COMMD10: variants seen among roughly 807,000 people sequenced by gnomAD.
COMMD10 encodes COMM domain containing 10.
In COMMD10, 33 loss-of-function variants were observed where a neutral mutation model predicts 28.9. That is an observed-to-expected ratio of 1.14 (90% CI 0.87 to 1.53). The LOEUF (loss-of-function observed/expected upper bound fraction) is 1.53, where lower values mean the gene tolerates loss of function less well. Among genes scored for constraint, COMMD10 ranks in the 40% most tolerant of loss-of-function variants. The pLI is 0.00. For synonymous variants in COMMD10, 110 were observed against 81.7 expected, an observed-to-expected ratio of 1.35 and a Z score of -1.87; for missense variants, 310 against 233.4, an observed-to-expected ratio of 1.33 and a Z score of -2.14.
chr5:116,109,584 A>G (rs968661185), intron 4 of COMMD10, among the ~76,000 whole-genome samples: 1 of 152,028 alleles, frequency 6.6e-6, no homozygotes, highest in Non-Finnish European at 1.5e-5. Context: ...ACAGAGTGAG[A>G]CTCTGTCTCA....
intron 5 of COMMD10, among the ~76,000 whole-genome samples, chr5:116,184,628 G>C (rs1402626192): frequency 6.6e-6 from 1 of 152,070 alleles, no homozygotes; most frequent in Non-Finnish European, 1.5e-5. Context: ...TCCAGCAGCA[G>C]TGGAGTTGTT....
At chr5:116,184,658 A>G (rs1483263595) in intron 5 of COMMD10, among the ~76,000 whole-genome samples, 2 of 152,310 alleles carry the variant, frequency 1.3e-5, no homozygotes, top group East Asian at 3.9e-4. Context: ...AAGAAAACAG[A>G]TTCAGCAGAG....
chr5:116,192,668 T>C (rs566375165), intron 5 of COMMD10, among the ~76,000 whole-genome samples: 15 of 152,196 alleles, frequency 9.9e-5, no homozygotes, highest in Admixed American at 2.0e-4. Context: ...TCTGGGATTA[T>C]GTTAAACAAC....
intron 5 of COMMD10, among the ~76,000 whole-genome samples, chr5:116,285,973 A>G (rs1466394217): frequency 6.6e-6 from 1 of 151,878 alleles, no homozygotes; most frequent in African/African-American, 2.4e-5. Context: ...AGAATTGTCC[A>G]GTGAAGCCAT....
At chr5:116,205,596 G>T (rs901898708) in intron 5 of COMMD10, among the ~76,000 whole-genome samples, 1 of 152,028 alleles carries the variant, frequency 6.6e-6, no homozygotes, top group Non-Finnish European at 1.5e-5. Context: ...CTATAGATCT[G>T]TGTGTATGTA....
At position 116,134,152 on chromosome 5, in the gene COMMD10, C is replaced by G; in HGVS notation, c.484C>G (p.Leu162Val). 1.2e-6 allele frequency: 2 copies of G among 1,606,552 alleles called. No individual in the cohort carries two copies. Among genetic ancestry groups the G allele is most frequent in the Non-Finnish European group, 1.7e-6 (2 of 1,173,062 alleles). Reference protein sequence around the residue: ...KLKSPQAVLQLGVNNEDSKSL... With the variant: ...KLKSPQAVLQVGVNNEDSKSL... The stretch of plus-strand genomic sequence containing the variant: ...AAAATCTCCTCAAGCTGTGTTACAA[C>G]TCGGAGTGAACAATGAAGATTCAAA... The change falls in exon 5 of 7, where the codon CTC becomes GTC. Residue 162 changes from leucine to valine, a missense_variant. By Grantham distance (32) the Leu-to-Val change is conservative (BLOSUM62 1). Transcript: ENST00000274458.
intron 4 of COMMD10, among the ~76,000 whole-genome samples, chr5:116,102,141 A>G (rs1044368989): frequency 1.3e-5 from 2 of 152,132 alleles, no homozygotes; most frequent in South Asian, 2.1e-4. Flanking sequence ...GCTTAGAACA[A>G]GGTCCAAAAG....
intron 5 of COMMD10, among the ~76,000 whole-genome samples, chr5:116,147,418 ACTTG>A (rs1424214259): frequency 6.6e-6 from 1 of 151,928 alleles, no homozygotes; most frequent in Non-Finnish European, 1.5e-5. Context: ...ACTCATTTTA[ACTTG>A]CTTGTTTCGT....
chr5:116,128,624 A>C (rs1751740975), intron 4 of COMMD10, among the ~76,000 whole-genome samples: 1 of 151,996 alleles, frequency 6.6e-6, no homozygotes, highest in African/African-American at 2.4e-5. Context: ...TCTCAGGAAT[A>C]ATTAAATGGT....
chr5:116,254,774 G>C (rs1312469972), intron 5 of COMMD10, among the ~76,000 whole-genome samples: 1 of 151,718 alleles, frequency 6.6e-6, no homozygotes, highest in African/African-American at 2.4e-5. Context: ...TGTATATTCT[G>C]TTGATTTGGG....
At chr5:116,174,807 A>C (rs1374444976) in intron 5 of COMMD10, among the ~76,000 whole-genome samples, 1 of 152,162 alleles carries the variant, frequency 6.6e-6, no homozygotes, top group Non-Finnish European at 1.5e-5. Context: ...CTCAATTTTT[A>C]ATCAAAGCTA....
At chr5:116,211,198 T>C (rs1748954750) in intron 5 of COMMD10, among the ~76,000 whole-genome samples, 1 of 152,094 alleles carries the variant, frequency 6.6e-6, no homozygotes, top group Non-Finnish European at 1.5e-5. Flanking sequence ...GTATATGCAG[T>C]CATGCATCAC....
intron 4 of COMMD10, among the ~76,000 whole-genome samples, chr5:116,126,800 T>G (rs1309920950): frequency 6.6e-6 from 1 of 152,136 alleles, no homozygotes; most frequent in Non-Finnish European, 1.5e-5. Context: ...ACTTAAAAAT[T>G]AGACCTAAAA....
At chr5:116,252,564 C>T (rs1267759823) in intron 5 of COMMD10, among the ~76,000 whole-genome samples, 3 of 116,434 alleles carry the variant, frequency 2.6e-5, no homozygotes, top group Non-Finnish European at 3.5e-5. Context: ...GGAATCCTTT[C>T]CCCATTGCTT....
intron 5 of COMMD10, among the ~76,000 whole-genome samples, chr5:116,271,960 C>T (rs2112698109): frequency 6.6e-6 from 1 of 151,928 alleles, no homozygotes. Flanking sequence ...GTAAAAATTA[C>T]TTATAACCAC....
chr5:116,102,448 G>T (rs1019387240), intron 4 of COMMD10, among the ~76,000 whole-genome samples: 1 of 152,024 alleles, frequency 6.6e-6, no homozygotes, highest in Admixed American at 6.6e-5. Context: ...ATGCTGTTTT[G>T]GTTATTATAG....
intron 5 of COMMD10, among the ~76,000 whole-genome samples, chr5:116,165,484 G>A (rs1753059297): frequency 6.6e-6 from 1 of 152,094 alleles, no homozygotes; most frequent in Non-Finnish European, 1.5e-5. Context: ...TCACAGTTCT[G>A]GAAGAAAGTT....
chr5:116,134,330 T>G, intron 5 of COMMD10, 152 bp downstream of exon 5: 1 of 547,314 alleles, frequency 1.8e-6, no homozygotes, highest in Non-Finnish European at 3.3e-6. Flanking sequence ...AGAAATAGCT[T>G]ATCTTGCAAG....
intron 5 of COMMD10, among the ~76,000 whole-genome samples, chr5:116,271,625 G>C (rs897542368): frequency 2.6e-5 from 4 of 151,698 alleles, no homozygotes; most frequent in African/African-American, 9.7e-5. Context: ...TTAGTCATCT[G>C]TGCTGCTGAA....
Sources: gnomAD v4.1 joint callset for allele counts (sites outside exome capture counted in the v4.1 genomes callset) on GRCh38, gnomAD v4.1.1 for gene constraint, MANE v1.5 for transcripts, NCBI Gene and HGNC (gene_info 2026-07-23, HGNC 2026-07-21) for gene names.